The following LGI1 variants were observed in gnomAD, a reference collection of about 807,000 sequenced individuals.
LGI1 encodes leucine rich glioma inactivated 1, also known as leucine-rich glioma-inactivated protein 1.
LGI1 carries 11 observed loss-of-function variants against 57.7 expected under a neutral mutation model. The ratio of observed to expected loss-of-function variants is 0.19; its 90% CI spans 0.12 to 0.32. The LOEUF is 0.32. Ranked by LOEUF, LGI1 falls within the 10% of genes least tolerant of loss-of-function variation. The pLI is 1.00. For missense variants in LGI1, 422 were observed against 661.9 expected (o/e 0.64, Z 3.98); for synonymous variants, 222 against 241.9 (o/e 0.92, Z 0.76).
At chr10:93,796,388 C>A (rs2059979922) in intron 7 of LGI1, among the ~76,000 whole-genome samples, 1 of 152,026 alleles carries the variant, frequency 6.6e-6, no homozygotes. Context: ...TTAGATAAAC[C>A]AAATTTGAAG....
intron 4 of LGI1, chr10:93,788,772 A>C (rs1487652418): frequency 6.6e-6 from 1 of 152,238 alleles, no homozygotes; most frequent in Non-Finnish European, 1.5e-5. Context: ...GAATGTTTGC[A>C]CTTGAGAAAC....
intron 2 of LGI1, among the ~76,000 whole-genome samples, chr10:93,775,454 G>T (rs573533061): frequency 1.3e-5 from 2 of 152,164 alleles, no homozygotes; most frequent in Non-Finnish European, 2.9e-5. Flanking sequence ...AACTGTGCCC[G>T]GGGCTGGGGA....
intron 2 of LGI1, chr10:93,767,665 G>A (rs1346920122): frequency 1.3e-5 from 2 of 152,136 alleles, no homozygotes; most frequent in African/African-American, 2.4e-5. Context: ...TCCATATAAG[G>A]AGCAACTCAA....
intron 2 of LGI1, among the ~76,000 whole-genome samples, chr10:93,773,923 T>C (rs2059766203): frequency 6.6e-6 from 1 of 152,184 alleles, no homozygotes; most frequent in Admixed American, 6.5e-5. Flanking sequence ...AGGGTCCAGA[T>C]CTCTGATCTG....
intron 2 of LGI1, chr10:93,772,835 G>A (rs781567815): frequency 2.6e-5 from 4 of 152,072 alleles, no homozygotes; most frequent in South Asian, 2.1e-4. Context: ...AGCACTTTGG[G>A]AGGCCGAGGC....
chr10:93,797,020 T>C lies in LGI1; in HGVS notation c.891T>C (p.Val297=). The C allele has an allele frequency of 6.2e-7, 1 of 1,614,140 alleles. No individual in the cohort carries two copies. Among genetic ancestry groups the C allele is most frequent in the Non-Finnish European group, 8.5e-7 (1 of 1,180,014 alleles). ...TAGTCATTGAAACTCAGCTCTATGT[T>C]ATTGTGGCCCAGCTGTTTGGTGGCT... is the stretch of plus-strand genomic sequence containing the variant. ...KPIVIETQLY[V]IVAQLFGGSH... is the part of the protein sequence containing the mutation. The change falls in exon 8 of 8, where the codon GTT becomes GTC. Residue 297 remains valine (V), a synonymous_variant. Coordinates refer to ENST00000371418, the MANE Select transcript of LGI1 (RefSeq NM_005097.4). The surrounding 1 kb of genome is among the most constrained non-coding windows in gnomAD (Gnocchi z 6.5).
chr10:93,783,524 G>T (rs1309375834), intron 4 of LGI1, among the ~76,000 whole-genome samples: 1 of 152,160 alleles, frequency 6.6e-6, no homozygotes, highest in East Asian at 1.9e-4. Flanking sequence ...CTGTGGGGAG[G>T]GAGGGTCCTT....
rs970568190 is a variant in LGI1, at chr10:93,758,601, C to A, written c.216-159C>A. On this transcript the variant is annotated intron_variant, in intron 1 of 7. Coordinates refer to ENST00000371418, the MANE Select transcript of LGI1 (RefSeq NM_005097.4). This position sits in a 1 kb window ranked among gnomAD's most constrained non-coding sequence, Gnocchi z 4.7. ...TGAGAAACCTGTAGCCGATTCATTT[C>A]TCTTACTTCATCTGGGAAGGAATAG... 69 of 698,486 alleles carry A rather than the reference C, an allele frequency of 9.9e-5. No individual in the cohort carries two copies. Among genetic ancestry groups the A allele is most frequent in the Non-Finnish European group, 1.1e-4 (46 of 403,072 alleles). The allele number at this position is 698,486 out of a possible 1,614,324, so 43.3% of individuals were successfully genotyped here.
Position 93,797,042 on chromosome 10 carries a change from G to A in LGI1, c.913G>A (p.Gly305Ser). The A allele has an allele frequency of 6.2e-7, 1 of 1,613,984 alleles. No homozygotes were observed. Among genetic ancestry groups the A allele is most frequent in the Non-Finnish European group, 8.5e-7 (1 of 1,179,958 alleles). ...TGTTATTGTGGCCCAGCTGTTTGGT[G>A]GCTCTCACATCTATAAGCGAGACAG... Reference protein sequence around the residue: ...LYVIVAQLFGGSHIYKRDSFA... With the variant: ...LYVIVAQLFGSSHIYKRDSFA... Residue 305 changes from glycine (G) to serine (S), a missense_variant, in exon 8 of 8, where the codon GGC (glycine) becomes AGC (serine). Around this residue, in one of 3 missense-constraint regions of LGI1, gnomAD observed 301 missense variants for 461.7 expected, o/e 0.65. Transcript: ENST00000371418. This position sits in a 1 kb window ranked among gnomAD's most constrained non-coding sequence, Gnocchi z 6.5.
At chr10:93,780,258 C>T (rs2059834902) in intron 4 of LGI1, 1 of 153,596 alleles carries the variant, frequency 6.5e-6, no homozygotes, top group South Asian at 2.1e-4. Context: ...TTATTCCTTC[C>T]TTCTTTCCTT....
intron 4 of LGI1, chr10:93,779,051 T>C (rs1388287743): frequency 6.6e-6 from 1 of 152,208 alleles, no homozygotes; most frequent in East Asian, 1.9e-4. Context: ...CATGATATGA[T>C]GCAAAGATGG....
intron 2 of LGI1, chr10:93,759,336 T>G (rs565270768): frequency 6.0e-6 from 1 of 167,328 alleles, no homozygotes; most frequent in East Asian, 1.7e-4. Flanking sequence ...TTTTTTAATC[T>G]CATCTAATTT....
At chr10:93,775,841 G>A (rs752895677) in intron 2 of LGI1, 5 of 152,306 alleles carry the variant, frequency 3.3e-5, no homozygotes, top group Admixed American at 1.3e-4. Context: ...AGTGTGGGAG[G>A]TATAATATTT....
chr10:93,780,257 C>T (rs982734383), intron 4 of LGI1: 1 of 154,058 alleles, frequency 6.5e-6, no homozygotes, highest in Non-Finnish European at 1.5e-5. Flanking sequence ...TTTATTCCTT[C>T]CTTCTTTCCT....
chr10:93,777,276 T>G, intron 2 of LGI1, 103 bp from the exon 3 acceptor site: 1 of 990,190 alleles, frequency 1.0e-6, no homozygotes, highest in Admixed American at 1.8e-5. Context: ...CATGCAGACA[T>G]TTTTCTGTAT....
At position 93,797,038 on chromosome 10, in the gene LGI1, T is replaced by C; in HGVS notation, c.909T>C (p.Phe303=). 1 of 1,614,098 alleles carries C rather than the reference T, an allele frequency of 6.2e-7. No individual in the cohort carries two copies. The highest frequency in any genetic ancestry group is 2.2e-5 in the East Asian group (1 of 44,886). ...TQLYVIVAQL[F]GGSHIYKRDS... Reference sequence around the variant, plus strand: ...TCTATGTTATTGTGGCCCAGCTGTTTGGTGGCTCTCACATCTATAAGCGAG... The same window carrying C: ...TCTATGTTATTGTGGCCCAGCTGTTCGGTGGCTCTCACATCTATAAGCGAG... The change falls in exon 8 of 8, where the codon TTT becomes TTC. Residue 303 remains phenylalanine, a synonymous_variant. Transcript: ENST00000371418. This position sits in a 1 kb window ranked among gnomAD's most constrained non-coding sequence, Gnocchi z 6.5.
Position 93,793,344 on chromosome 10 carries a change from A to G in LGI1, c.832A>G (p.Ile278Val). 1 of 1,613,664 alleles carries G rather than the reference A, an allele frequency of 6.2e-7. No individual in the cohort carries two copies. Among genetic ancestry groups the G allele is most frequent in the Non-Finnish European group, 8.5e-7 (1 of 1,179,624 alleles). ...AAAGACCTTCCGGAATTATGACAAC[A>G]TTACAGGTATGAAAAGCCTAATGAT... ...VEKTFRNYDN[I>V]TGTSTVVCKP... is the part of the protein sequence containing the mutation. Residue 278 changes from isoleucine to valine, a missense_variant, in exon 7 of 8, where the codon ATT becomes GTT. Ile to Val is a conservative substitution (Grantham distance 29). Transcript: ENST00000371418.
intron 4 of LGI1, among the ~76,000 whole-genome samples, chr10:93,779,569 G>T (rs979073843): frequency 2.0e-5 from 3 of 151,942 alleles, no homozygotes; most frequent in African/African-American, 7.3e-5. Context: ...AGGAAAAAGG[G>T]AAAGAAAAAG....
At chr10:93,766,756 C>G (rs566702023) in intron 2 of LGI1, 80 of 152,294 alleles carry the variant, frequency 5.3e-4, no homozygotes, top group African/African-American at 1.9e-3. Context: ...ATCCTCCCGC[C>G]TCGGCCTCCC....
Sources: allele counts gnomAD v4.1 joint callset (sites outside exome capture counted in the v4.1 genomes callset), GRCh38; gene constraint gnomAD v4.1.1; regional missense constraint gnomAD v4.1.1; non-coding constraint Gnocchi (gnomAD v3.1); transcripts MANE v1.5; gene names NCBI Gene and HGNC (gene_info 2026-07-23, HGNC 2026-07-21).